The following CDH10 variants were observed in gnomAD, a reference collection of about 807,000 sequenced individuals.
The protein encoded by CDH10 is cadherin 10.
In CDH10, 30 loss-of-function variants were observed where a neutral mutation model predicts 73.1. The ratio of observed to expected loss-of-function variants is 0.41; its 90% confidence interval spans 0.31 to 0.56. The LOEUF (loss-of-function observed/expected upper bound fraction) is 0.56. CDH10 is among the 20% of genes least tolerant of loss of function. The pLI is 0.27. For synonymous variants in CDH10, 345 were observed against 348.2 expected (o/e 0.99, Z 0.10); for missense variants, 815 against 973.7 (o/e 0.84, Z 2.17).
intron 2 of CDH10, among the ~76,000 whole-genome samples, chr5:24,547,501 TAA>T (rs1744386935): frequency 1.3e-5 from 2 of 151,704 alleles, no homozygotes; most frequent in African/African-American, 4.8e-5. Context: ...GAAAAAAAAA[TAA>T]GAGTTTTTAT....
intron 9 of CDH10, among the ~76,000 whole-genome samples, chr5:24,496,764 TA>T (rs1184840181): frequency 1.3e-5 from 2 of 152,152 alleles, no homozygotes; most frequent in Non-Finnish European, 1.5e-5. Flanking sequence ...AAATTAATTT[TA>T]AAAAGGCTCT....
intron 1 of CDH10, among the ~76,000 whole-genome samples, chr5:24,597,068 A>C (rs1379892262): frequency 6.6e-6 from 1 of 152,022 alleles, no homozygotes; most frequent in East Asian, 1.9e-4. Flanking sequence ...TTTTTGGAAA[A>C]TATTTTCAAA....
intron 4 of CDH10, 102 bp downstream of exon 4, chr5:24,535,597 TGTGA>T: frequency 1.0e-6 from 1 of 981,506 alleles, no homozygotes; most frequent in Admixed American, 2.4e-5. Context: ...TTCACTCATC[TGTGA>T]GTATTAATGT....
intron 2 of CDH10, among the ~76,000 whole-genome samples, chr5:24,565,761 T>TCACACA (rs903337518): frequency 6.6e-6 from 1 of 150,570 alleles, no homozygotes; most frequent in Non-Finnish European, 1.5e-5. Flanking sequence ...TCTCTCTCTT[T>TCACACA]CACACACACA....
Position 24,587,156 on chromosome 5 carries a change from T to C in CDH10, c.231+6104A>G, listed in dbSNP as rs543200552. On this transcript the variant is annotated intron_variant, in intron 2 of 11. Coordinates refer to ENST00000264463, the MANE Select transcript of CDH10 (RefSeq NM_006727.5). ...ACCGCGCCCGGCCGCCCATATTCTT[T>C]AATAAAATGGATGTAGACATTTAGC... Among the ~76,000 whole-genome samples, 10 of 152,258 alleles carry C rather than the reference T, an allele frequency of 6.6e-5. No individual in the cohort carries two copies. The South Asian group carries it at 2.1e-3, about 32-fold the overall frequency.
chr5:24,596,793 T>G (rs890683811), intron 1 of CDH10, among the ~76,000 whole-genome samples: 1 of 151,996 alleles, frequency 6.6e-6, no homozygotes, highest in Non-Finnish European at 1.5e-5. Context: ...AAGTGGTATA[T>G]ACAGATGTAT....
intron 1 of CDH10, among the ~76,000 whole-genome samples, chr5:24,613,534 A>AC (rs1561196475): frequency 6.6e-6 from 1 of 151,152 alleles, no homozygotes; most frequent in African/African-American, 2.4e-5. Context: ...AAAAAAAAAA[A>AC]AAAAAAAGGA....
chr5:24,622,968 C>T (rs1290876357), intron 1 of CDH10, among the ~76,000 whole-genome samples: 1 of 152,160 alleles, frequency 6.6e-6, no homozygotes, highest in Non-Finnish European at 1.5e-5. Context: ...TATTTGACCT[C>T]AGTGGTAGCA....
intron 1 of CDH10, among the ~76,000 whole-genome samples, chr5:24,629,635 C>T (rs1747637506): frequency 6.6e-6 from 1 of 152,042 alleles, no homozygotes; most frequent in African/African-American, 2.4e-5. Flanking sequence ...GGGACAGTTT[C>T]CCCATGTTGT....
chr5:24,504,588 C>A (rs1037846937), intron 8 of CDH10, among the ~76,000 whole-genome samples: 1 of 134,956 alleles, frequency 7.4e-6, no homozygotes, highest in Non-Finnish European at 1.5e-5. Context: ...TGCAGTGGCG[C>A]GATCTCGGCT....
intron 5 of CDH10, among the ~76,000 whole-genome samples, chr5:24,513,685 C>A (rs2111779256): frequency 6.6e-6 from 1 of 152,088 alleles, no homozygotes; most frequent in East Asian, 1.9e-4. Context: ...GGTCCCTTAG[C>A]CTGTATCCTT....
At chr5:24,544,185 G>A (rs1409564236) in intron 2 of CDH10, among the ~76,000 whole-genome samples, 3 of 151,896 alleles carry the variant, frequency 2.0e-5, no homozygotes, top group Non-Finnish European at 4.4e-5. Flanking sequence ...TCCCAGCTAC[G>A]TGGGAGGTTA....
chr5:24,513,706 A>G (rs1004765407), intron 5 of CDH10, among the ~76,000 whole-genome samples: 17 of 152,034 alleles, frequency 1.1e-4, no homozygotes, highest in African/African-American at 3.9e-4. Context: ...CATTTTTTCT[A>G]TCTCCGGTAA....
intron 1 of CDH10, among the ~76,000 whole-genome samples, chr5:24,626,971 T>G (rs1171183390): frequency 6.6e-6 from 1 of 151,394 alleles, no homozygotes; most frequent in Admixed American, 6.6e-5. Context: ...TTCTAAAAAA[T>G]TAAGTACAGT....
At chr5:24,492,726 AT>A in intron 10 of CDH10, 90 bp downstream of exon 10, 1 of 639,516 alleles carries the variant, frequency 1.6e-6, no homozygotes, top group Middle Eastern at 2.7e-4. Flanking sequence ...AGATCAATAA[AT>A]TGATATGGCA....
intron 5 of CDH10, among the ~76,000 whole-genome samples, chr5:24,514,860 T>C (rs1402976102): frequency 7.3e-6 from 1 of 137,484 alleles, no homozygotes; most frequent in Non-Finnish European, 1.6e-5. Context: ...AATACAAATA[T>C]ATGGATGGTT....
intron 5 of CDH10, among the ~76,000 whole-genome samples, chr5:24,528,203 C>T (rs1231841283): frequency 2.0e-5 from 3 of 151,760 alleles, no homozygotes; most frequent in African/African-American, 4.8e-5. Flanking sequence ...AGTGCTTTTG[C>T]ATGTAAGTAG....
chr5:24,629,201 G>C (rs1253572594), intron 1 of CDH10, among the ~76,000 whole-genome samples: 6 of 152,012 alleles, frequency 3.9e-5, no homozygotes, highest in African/African-American at 1.4e-4. Flanking sequence ...ATAAATACTT[G>C]TCATTTTCAA....
At chr5:24,520,118 A>G (rs2111809323) in intron 5 of CDH10, among the ~76,000 whole-genome samples, 1 of 152,346 alleles carries the variant, frequency 6.6e-6, no homozygotes, top group East Asian at 1.9e-4. Context: ...CTATTTCCAA[A>G]TAAGCTCAAA....
Sources: allele counts gnomAD v4.1 joint callset (sites outside exome capture counted in the v4.1 genomes callset), GRCh38; gene constraint gnomAD v4.1.1; transcripts MANE v1.5; gene names NCBI Gene and HGNC (gene_info 2026-07-23, HGNC 2026-07-21).